RBFOX1: variants seen among roughly 807,000 people sequenced by gnomAD.
RBFOX1 encodes the protein RNA binding fox-1 homolog 1, also known as RNA binding protein fox-1 homolog 1.
RBFOX1 carries 8 observed loss-of-function variants against 57.7 expected under a neutral mutation model. The ratio of observed to expected loss-of-function variants is 0.14; its 90% confidence interval spans 0.08 to 0.25. The LOEUF is 0.25. Among genes scored for constraint, RBFOX1 ranks in the 10% least tolerant of loss-of-function variants. The probability of loss-of-function intolerance (pLI) is 1.00; values close to 1 mark genes in which losing one functional copy is unlikely to be tolerated. For synonymous variants in RBFOX1, 326 were observed against 222.4 expected, an observed-to-expected ratio of 1.47 and a Z score of -4.15; for missense variants, 611 against 548.5, an observed-to-expected ratio of 1.11 and a Z score of -1.14.
intron 11 of RBFOX1, among the ~76,000 whole-genome samples, chr16:7,651,417 T>G (rs2065034205): frequency 6.6e-6 from 1 of 152,198 alleles, no homozygotes; most frequent in Non-Finnish European, 1.5e-5. Context: ...CTAAGTGCAC[T>G]ACATGGTCAC....
At chr16:6,878,274 G>C (rs2062215873) in intron 3 of RBFOX1, among the ~76,000 whole-genome samples, 1 of 152,156 alleles carries the variant, frequency 6.6e-6, no homozygotes, top group Non-Finnish European at 1.5e-5. Context: ...ATTTGAGTGA[G>C]GCCATGAGAG....
intron 4 of RBFOX1, among the ~76,000 whole-genome samples, chr16:5,956,672 A>T (rs376132664): frequency 0.012 from 934 of 78,334 alleles, 5 homozygotes; most frequent in East Asian, 0.02. Context: ...ATATATATAT[A>T]TATATATTTT....
At chr16:5,743,359 A>G (rs1353242111) in intron 3 of RBFOX1, among the ~76,000 whole-genome samples, 1 of 152,192 alleles carries the variant, frequency 6.6e-6, no homozygotes, top group East Asian at 1.9e-4. Flanking sequence ...GTCAGCTAGA[A>G]TCAGACATAT....
intron 11 of RBFOX1, among the ~76,000 whole-genome samples, chr16:7,649,087 C>G (rs1006051994): frequency 5.9e-5 from 9 of 152,080 alleles, no homozygotes; most frequent in Admixed American, 3.9e-4. Flanking sequence ...GTCCACAGTG[C>G]AAAGCAAAAG....
At chr16:5,247,515 A>C (rs1039013460) in intron 1 of RBFOX1, among the ~76,000 whole-genome samples, 36 of 152,208 alleles carry the variant, frequency 2.4e-4, no homozygotes, top group Non-Finnish European at 7.4e-5. Context: ...CTGGTCTACA[A>C]GATGGATGGG....
intron 2 of RBFOX1, among the ~76,000 whole-genome samples, chr16:6,646,497 G>A (rs959971120): frequency 1.3e-5 from 2 of 152,000 alleles, no homozygotes; most frequent in Non-Finnish European, 2.9e-5. Flanking sequence ...GGCAGATTAA[G>A]AGCAAAAATC....
chr16:5,522,031 G>T (rs992444532), intron 2 of RBFOX1, among the ~76,000 whole-genome samples: 1 of 152,176 alleles, frequency 6.6e-6, no homozygotes, highest in South Asian at 2.1e-4. Context: ...CCCAGCACCC[G>T]GGATTCGACT....
rs375146318 is a variant in RBFOX1 at position 7,331,091 on chromosome 16, A to G, written c.28-187056A>G. On this transcript the variant is annotated intron_variant, in intron 4 of 15. Transcript: ENST00000550418. ...GATGGCCAAAATTCAGCCTTAAATA[A>G]TTGAATTCTCTGCCAAACCCTGTCC... Among the ~76,000 whole-genome samples, 13 of 152,306 alleles carry G rather than the reference A, an allele frequency of 8.5e-5. No homozygotes were observed. In the South Asian group the frequency reaches 2.5e-3, roughly 29 times the overall value.
At position 7,664,967 on chromosome 16, in the gene RBFOX1, A is replaced by T. The variant is rs1420118662; in HGVS notation, c.929A>T (p.Tyr310Phe). ...GATGGATTTTATGGTGCAGACATTT[A>T]TGTAAGTATTCATTCACGTGCATGC... ...YQDGFYGADI[Y>F]GGYAAYRYAQ... The change falls in exon 13 of 16, where the codon TAT becomes TTT. Residue 310 changes from tyrosine to phenylalanine, a missense_variant and splice_region_variant. Tyr to Phe is a conservative substitution (Grantham distance 22). Around this residue, in one of 3 missense-constraint regions of RBFOX1, gnomAD observed 267 missense variants for 229.1 expected, o/e 1.17. Transcript: ENST00000550418. The T allele has an allele frequency of 6.2e-7, 1 of 1,613,874 alleles. No homozygotes were observed. The highest frequency in any genetic ancestry group is 8.5e-7 in the Non-Finnish European group (1 of 1,179,832).
At chr16:7,521,188 T>G (rs1507014) in intron 5 of RBFOX1, among the ~76,000 whole-genome samples, 1 of 151,982 alleles carries the variant, frequency 6.6e-6, no homozygotes. Flanking sequence ...GTCAGAGGTC[T>G]TAAAGTTGGA....
chr16:6,346,722 C>T (rs935615760), intron 2 of RBFOX1, among the ~76,000 whole-genome samples: 4 of 152,272 alleles, frequency 2.6e-5, no homozygotes, highest in Non-Finnish European at 4.4e-5. Context: ...TCAAGAAATG[C>T]CTTTTTGAGG....
intron 4 of RBFOX1, among the ~76,000 whole-genome samples, chr16:7,507,570 T>TTTC (rs2073770095): frequency 7.1e-6 from 1 of 140,810 alleles, no homozygotes; most frequent in Non-Finnish European, 1.6e-5. Flanking sequence ...TCTTTCTTTT[T>TTTC]TTTTTTTTTT....
At chr16:6,656,941 C>A (rs149878380) in intron 3 of RBFOX1, among the ~76,000 whole-genome samples, 9 of 16,474 alleles carry the variant, frequency 5.5e-4, no homozygotes, top group Admixed American at 1.9e-3. Flanking sequence ...CCCTCTCCTC[C>A]CCTTTCCTCT....
intron 1 of RBFOX1, among the ~76,000 whole-genome samples, chr16:6,301,286 A>G (rs569256485): frequency 2.6e-5 from 4 of 152,338 alleles, no homozygotes; most frequent in South Asian, 4.1e-4. Flanking sequence ...GTCACATGCC[A>G]AAGAATGTAG....
At chr16:6,659,429 A>T (rs1391105333) in intron 3 of RBFOX1, among the ~76,000 whole-genome samples, 1 of 152,094 alleles carries the variant, frequency 6.6e-6, no homozygotes, top group Non-Finnish European at 1.5e-5. Flanking sequence ...TAACACTGAG[A>T]GTTCTGAACT....
intron 3 of RBFOX1, among the ~76,000 whole-genome samples, chr16:6,732,496 A>T (rs1484745363): frequency 6.6e-6 from 1 of 152,078 alleles, no homozygotes; most frequent in African/African-American, 2.4e-5. Flanking sequence ...TTCCAGGGGG[A>T]TGGGCTTAGG....
chr16:6,469,271 T>A (rs1425965094), intron 2 of RBFOX1, among the ~76,000 whole-genome samples: 1 of 152,138 alleles, frequency 6.6e-6, no homozygotes, highest in Non-Finnish European at 1.5e-5. Flanking sequence ...AGTACTGAAA[T>A]TGTTGCCTCT....
rs1159123391 is a variant in RBFOX1 at position 6,577,879 on chromosome 16, TAAAC to T, written c.-63-76719_-63-76716del. On this transcript the variant is annotated intron_variant, in intron 2 of 15. Coordinates refer to ENST00000550418, the MANE Select transcript of RBFOX1 (RefSeq NM_018723.4). ...CTATATGGAAGGATATTTTATTTAT[TAAAC>T]AAACGAGGCAATCATTTTTTACTGC... 2.5e-4 allele frequency among the ~76,000 whole-genome samples: 38 copies of T among 152,342 alleles called. No individual in the cohort carries two copies. The East Asian group carries it at 5.2e-3, about 21-fold the overall frequency.
At chr16:5,593,214 C>T (rs532495064) in intron 2 of RBFOX1, among the ~76,000 whole-genome samples, 1 of 152,190 alleles carries the variant, frequency 6.6e-6, no homozygotes, top group African/African-American at 2.4e-5. Context: ...AGCTAGAAAC[C>T]ATCATTCTCA....
Sources: gnomAD v4.1 joint callset for allele counts (sites outside exome capture counted in the v4.1 genomes callset) on GRCh38, gnomAD v4.1.1 for gene constraint, gnomAD v4.1.1 regional missense constraint, MANE v1.5 for transcripts, NCBI Gene and HGNC (gene_info 2026-07-23, HGNC 2026-07-21) for gene names.